Variants in EPHA6 observed in about 807,000 individuals in gnomAD.
EPHA6 encodes EPH receptor A6, also known as ephrin type-A receptor 6.
A neutral mutation model predicts 112.0 loss-of-function variants in EPHA6; 50 were observed. That is an observed-to-expected ratio of 0.45 (90% confidence interval 0.36 to 0.56). The LOEUF (loss-of-function observed/expected upper bound fraction) is 0.56. Ranked by LOEUF, EPHA6 falls within the 20% of genes least tolerant of loss-of-function variation. The pLI, the probability that EPHA6 is intolerant of heterozygous loss-of-function variation, is 0.00. For synonymous variants in EPHA6, 529 were observed against 490.7 expected (o/e 1.08, Z -1.03); for missense variants, 1,280 against 1,417.4 (o/e 0.90, Z 1.56).
intron 5 of EPHA6, among the ~76,000 whole-genome samples, chr3:97,260,076 C>T (rs1038754582): frequency 6.6e-6 from 1 of 152,184 alleles, no homozygotes; most frequent in African/African-American, 2.4e-5. Flanking sequence ...GCTGGGATTA[C>T]AGGCATGAGC....
chr3:97,277,833 G>A lies in EPHA6; in HGVS notation c.1606+33546G>A, dbSNP rs550386107. 2.6e-5 allele frequency among the ~76,000 whole-genome samples: 4 copies of A among 152,322 alleles called. No homozygotes were observed. In the South Asian group the frequency reaches 8.3e-4, roughly 32 times the overall value. On this transcript the variant is annotated intron_variant, in intron 5 of 17. Transcript: ENST00000389672. ...AAGTCAGTGAGTGAGTGAGCAGTGAGTGAATGTGAAGGCCTAGGACATGAT... is the reference window on the plus strand; with the variant it reads ...AAGTCAGTGAGTGAGTGAGCAGTGAATGAATGTGAAGGCCTAGGACATGAT...
chr3:97,128,804 G>A (rs1019672403), intron 3 of EPHA6, among the ~76,000 whole-genome samples: 5 of 151,560 alleles, frequency 3.3e-5, no homozygotes, highest in Non-Finnish European at 5.9e-5. Context: ...ACAGGCCACT[G>A]CCGGTGCCTG....
At chr3:97,676,720 T>C (rs1168886124) in intron 14 of EPHA6, among the ~76,000 whole-genome samples, 1 of 152,168 alleles carries the variant, frequency 6.6e-6, no homozygotes, top group African/African-American at 2.4e-5. Flanking sequence ...TGATTGGATT[T>C]AGATGGGAGT....
chr3:97,300,583 G>A (rs1439707898), intron 5 of EPHA6, among the ~76,000 whole-genome samples: 1 of 152,054 alleles, frequency 6.6e-6, no homozygotes, highest in East Asian at 1.9e-4. Context: ...AAATAAATGG[G>A]AGGCATATGA....
At chr3:97,582,359 C>T (rs778471477) in intron 11 of EPHA6, among the ~76,000 whole-genome samples, 43 of 152,082 alleles carry the variant, frequency 2.8e-4, no homozygotes, top group Admixed American at 1.3e-3. Flanking sequence ...TGGTTTTATA[C>T]TCACCGGTAG....
intron 7 of EPHA6, among the ~76,000 whole-genome samples, chr3:97,458,067 CAAAA>C (rs68128372): frequency 4.9e-4 from 25 of 50,580 alleles, no homozygotes; most frequent in African/African-American, 1.3e-3. Context: ...GACTCCGTCT[CAAAA>C]AAAAAAAAAA....
intron 5 of EPHA6, among the ~76,000 whole-genome samples, chr3:97,369,506 T>C (rs192762718): frequency 1.3e-5 from 2 of 152,280 alleles, no homozygotes; most frequent in East Asian, 1.9e-4. Context: ...TTTTCGACTT[T>C]AGCAACTGGG....
At chr3:97,210,739 T>G (rs1270800082) in intron 3 of EPHA6, among the ~76,000 whole-genome samples, 1 of 152,176 alleles carries the variant, frequency 6.6e-6, no homozygotes, top group East Asian at 1.9e-4. Context: ...CCCCCAAATT[T>G]AATGACTTAA....
intron 3 of EPHA6, among the ~76,000 whole-genome samples, chr3:97,124,921 G>A (rs2048142508): frequency 6.6e-6 from 1 of 151,768 alleles, no homozygotes; most frequent in Non-Finnish European, 1.5e-5. Flanking sequence ...TCTATCTTTT[G>A]ACTTGCTGGA....
chr3:97,502,020 G>A (rs542985694), intron 10 of EPHA6, among the ~76,000 whole-genome samples: 129 of 151,866 alleles, frequency 8.5e-4, no homozygotes, highest in Non-Finnish European at 1.5e-3. Flanking sequence ...CAAGATGATG[G>A]ATCCTCACGA....
intron 1 of EPHA6, among the ~76,000 whole-genome samples, chr3:96,856,368 T>C (rs2035698807): frequency 6.6e-6 from 1 of 152,148 alleles, no homozygotes; most frequent in Admixed American, 6.6e-5. Context: ...ATTGTCCTTA[T>C]TTGAAAATAA....
chr3:96,948,759 A>G lies in EPHA6; in HGVS notation c.451-38571A>G, dbSNP rs2041398122. On this transcript the variant is annotated intron_variant, in intron 2 of 17. Coordinates refer to ENST00000389672, the MANE Select transcript of EPHA6 (RefSeq NM_001080448.3). ...GTCGCAGTTCTATTTATCAAACAAA[A>G]CACCTATACCTAATTGTCAAGATTG... Among the ~76,000 whole-genome samples, 4 of 152,166 alleles carry G rather than the reference A, an allele frequency of 2.6e-5. No homozygotes were observed. The South Asian group carries it at 8.3e-4, about 32-fold the overall frequency.
chr3:97,077,437 C>T (rs1325634800), intron 3 of EPHA6, among the ~76,000 whole-genome samples: 4 of 152,046 alleles, frequency 2.6e-5, no homozygotes, highest in African/African-American at 7.2e-5. Context: ...ATGTGCACAA[C>T]GTGCAGGCTC....
chr3:96,991,342 A>G (rs1391612988), intron 3 of EPHA6, among the ~76,000 whole-genome samples: 2 of 152,194 alleles, frequency 1.3e-5, no homozygotes, highest in Admixed American at 6.5e-5. Flanking sequence ...TGCTTAATGT[A>G]CAATAAACAG....
chr3:97,650,507 CA>C (rs1318412074), intron 14 of EPHA6, among the ~76,000 whole-genome samples: 2 of 151,634 alleles, frequency 1.3e-5, no homozygotes. Flanking sequence ...TTATCATACA[CA>C]AAGGAAAAAA....
intron 3 of EPHA6, among the ~76,000 whole-genome samples, chr3:97,175,442 G>T (rs894008867): frequency 6.6e-6 from 1 of 151,686 alleles, no homozygotes; most frequent in African/African-American, 2.4e-5. Flanking sequence ...GTCATTGGTA[G>T]TTTGATAGGA....
At chr3:97,672,064 GA>G (rs886087456) in intron 14 of EPHA6, among the ~76,000 whole-genome samples, 96 of 151,968 alleles carry the variant, frequency 6.3e-4, no homozygotes, top group African/African-American at 2.0e-3. Context: ...CTTTCCAGAT[GA>G]AAAACAAAAA....
chr3:97,695,252 T>A (rs111820011), intron 14 of EPHA6, among the ~76,000 whole-genome samples: 1 of 152,176 alleles, frequency 6.6e-6, no homozygotes, highest in Non-Finnish European at 1.5e-5. Flanking sequence ...GTTAGTGATA[T>A]TCCAGTGCCA....
chr3:97,247,607 G>T (rs2079021283), intron 5 of EPHA6, among the ~76,000 whole-genome samples: 1 of 151,920 alleles, frequency 6.6e-6, no homozygotes, highest in South Asian at 2.1e-4. Context: ...CCAGGCAAAA[G>T]TTGGATAATG....
Sources: allele counts gnomAD v4.1 joint callset (sites outside exome capture counted in the v4.1 genomes callset), GRCh38; gene constraint gnomAD v4.1.1; transcripts MANE v1.5; gene names NCBI Gene and HGNC (gene_info 2026-07-23, HGNC 2026-07-21).